Variants in LIPC observed in about 807,000 individuals in gnomAD.
LIPC encodes the protein hepatic triacylglycerol lipase.
LIPC carries 44 observed loss-of-function variants against 50.7 expected under a neutral mutation model. The observed-to-expected ratio is 0.87, with a 90% CI of 0.68 to 1.11. The LOEUF (loss-of-function observed/expected upper bound fraction) is 1.11. LIPC is among the 50% of genes most tolerant of loss of function. The probability of loss-of-function intolerance (pLI) is 0.00; values close to 1 mark genes in which losing one functional copy is unlikely to be tolerated. For missense variants in LIPC, 697 were observed against 648.2 expected, an observed-to-expected ratio of 1.08 and a Z score of -0.82; for synonymous variants, 271 against 256.4, an observed-to-expected ratio of 1.06 and a Z score of -0.54.
intron 1 of LIPC, among the ~76,000 whole-genome samples, chr15:58,532,024 A>G (rs1346522083): frequency 6.6e-6 from 1 of 152,212 alleles, no homozygotes. Flanking sequence ...CTAGGGTGTC[A>G]CAAGAGGTGA....
At chr15:58,451,993 A>C (rs1302293718) in intron 1 of LIPC, among the ~76,000 whole-genome samples, 1 of 152,238 alleles carries the variant, frequency 6.6e-6, no homozygotes, top group African/African-American at 2.4e-5. Context: ...GAGAACCAAC[A>C]CAATGCTCAA....
intron 1 of LIPC, among the ~76,000 whole-genome samples, chr15:58,535,937 C>T (rs529496249): frequency 7.2e-5 from 11 of 152,288 alleles, no homozygotes; most frequent in African/African-American, 2.6e-4. Flanking sequence ...GATTGAGTGC[C>T]AGCCTTTGAT....
At chr15:58,560,600 C>T (rs1291501969) in intron 6 of LIPC, among the ~76,000 whole-genome samples, 6 of 152,158 alleles carry the variant, frequency 3.9e-5, no homozygotes, top group South Asian at 2.1e-4. Flanking sequence ...TCCTATACTC[C>T]TATTCTGCCA....
chr15:58,540,941 G>C (rs1893297182), intron 2 of LIPC, among the ~76,000 whole-genome samples: 2 of 152,000 alleles, frequency 1.3e-5, no homozygotes, highest in South Asian at 4.2e-4. Context: ...GCTGGGGCTA[G>C]AGGCATGCAC....
chr15:58,489,591 G>C (rs1267849754), intron 1 of LIPC, among the ~76,000 whole-genome samples: 3 of 152,160 alleles, frequency 2.0e-5, no homozygotes, highest in Admixed American at 6.5e-5. Context: ...TCCGGATGTA[G>C]TCAGTCTAAA....
At chr15:58,508,897 T>C (rs1000498322) in intron 1 of LIPC, among the ~76,000 whole-genome samples, 11 of 152,068 alleles carry the variant, frequency 7.2e-5, no homozygotes, top group Non-Finnish European at 2.9e-5. Flanking sequence ...TCCTTTCTTC[T>C]CTCCTAGGCT....
At chr15:58,549,918 A>G (rs1893686470) in intron 6 of LIPC, among the ~76,000 whole-genome samples, 1 of 152,214 alleles carries the variant, frequency 6.6e-6, no homozygotes, top group South Asian at 2.1e-4. Context: ...TTAAAGACTC[A>G]TTTGGGTGAA....
At chr15:58,564,025 T>G in intron 8 of LIPC, 1 of 434,324 alleles carries the variant, frequency 2.3e-6, no homozygotes, top group Non-Finnish European at 4.3e-6. Flanking sequence ...CAAGCTTCGG[T>G]GCAGGTGAAT....
At chr15:58,533,220 T>C (rs915882324) in intron 1 of LIPC, 11 of 969,266 alleles carry the variant, frequency 1.1e-5, no homozygotes, top group Admixed American at 6.2e-5. Context: ...TTCTAGCTTA[T>C]CCAATATGGA....
intron 1 of LIPC, among the ~76,000 whole-genome samples, chr15:58,472,073 C>T (rs1181520231): frequency 5.3e-5 from 8 of 151,880 alleles, no homozygotes; most frequent in Non-Finnish European, 1.2e-4. Flanking sequence ...AGTTCAAGAC[C>T]AGCCTGATCA....
At chr15:58,459,745 C>T (rs1213899928) in intron 1 of LIPC, among the ~76,000 whole-genome samples, 1 of 152,262 alleles carries the variant, frequency 6.6e-6, no homozygotes, top group Non-Finnish European at 1.5e-5. Flanking sequence ...AAGGAATCCA[C>T]ACCCGTCCCC....
rs1168105219 is a variant in LIPC, at chr15:58,569,686, A to T, written c.*859A>T. 3 of 152,308 alleles carry T rather than the reference A, an allele frequency of 2.0e-5. No individual in the cohort carries two copies. Among genetic ancestry groups the T allele is most frequent in the Non-Finnish European group, 4.4e-5 (3 of 68,182 alleles). 9.4% of individuals were successfully genotyped at this position (152,308 alleles called of 1,614,324 possible). A position where few individuals can be genotyped will look rare whatever the true frequency, so the allele number is the denominator to read the frequency against. ...TTAGTGCCCTTATAGGGGATAAAGG[A>T]TCAGAACTCTCTGCCATGTGCGGAT... On this transcript the variant is annotated 3_prime_UTR_variant, in exon 9 of 9. Transcript: ENST00000299022.
At chr15:58,474,411 C>T (rs1459166241) in intron 1 of LIPC, among the ~76,000 whole-genome samples, 3 of 151,204 alleles carry the variant, frequency 2.0e-5, no homozygotes, top group Non-Finnish European at 4.4e-5. Flanking sequence ...CACTTACTTA[C>T]TTGGGAGGCT....
chr15:58,436,681 A>G, intron 1 of LIPC: 2 of 455,908 alleles, frequency 4.4e-6, no homozygotes, highest in Non-Finnish European at 8.8e-6. Flanking sequence ...GTTATCAGCT[A>G]GAACAGAACA....
chr15:58,472,024 C>T (rs1030022318), intron 1 of LIPC, among the ~76,000 whole-genome samples: 2 of 152,018 alleles, frequency 1.3e-5, no homozygotes, highest in Non-Finnish European at 2.9e-5. Context: ...AATCCCAGCA[C>T]TTTGGGAGGC....
intron 1 of LIPC, among the ~76,000 whole-genome samples, chr15:58,515,664 T>G (rs1391905292): frequency 6.6e-6 from 1 of 151,960 alleles, no homozygotes; most frequent in African/African-American, 2.4e-5. Flanking sequence ...ACTATCCCAG[T>G]GTCAAATAGG....
chr15:58,552,818 T>G (rs774284297), intron 6 of LIPC, among the ~76,000 whole-genome samples: 50 of 152,224 alleles, frequency 3.3e-4, no homozygotes, highest in Non-Finnish European at 5.6e-4. Context: ...ATCTTGGCCT[T>G]GCTGCCAACC....
intron 4 of LIPC, 59 bp downstream of exon 4, chr15:58,542,710 A>G (rs1893376259): frequency 7.8e-6 from 9 of 1,146,860 alleles, no homozygotes; most frequent in Non-Finnish European, 1.1e-5. Context: ...TCCAACAAGG[A>G]CCTGCTTTTC....
intron 1 of LIPC, among the ~76,000 whole-genome samples, chr15:58,495,970 T>C (rs1891749654): frequency 6.6e-6 from 1 of 152,224 alleles, no homozygotes. Flanking sequence ...AAGGGATTTT[T>C]CTCAACTCTT....
Sources: allele counts gnomAD v4.1 joint callset (sites outside exome capture counted in the v4.1 genomes callset), GRCh38; gene constraint gnomAD v4.1.1; transcripts MANE v1.5; gene names NCBI Gene and HGNC (gene_info 2026-07-23, HGNC 2026-07-21).